KCNMA1: variants seen among roughly 807,000 people sequenced by gnomAD.
The protein encoded by KCNMA1 is Calcium-activated potassium channel subunit alpha-1.
A neutral mutation model predicts 140.0 loss-of-function variants in KCNMA1; 29 were observed. The observed-to-expected ratio is 0.21, with a 90% CI of 0.15 to 0.28. The LOEUF (loss-of-function observed/expected upper bound fraction) is 0.28, where lower values mean the gene tolerates loss of function less well. KCNMA1 is among the 10% of genes least tolerant of loss of function. The probability of loss-of-function intolerance (pLI) is 1.00; values close to 1 mark genes in which losing one functional copy is unlikely to be tolerated. For missense variants in KCNMA1, 880 were observed against 1,602.2 expected (o/e 0.55, Z 7.70); for synonymous variants, 612 against 611.9 (o/e 1.00, Z 0.00).
At chr10:76,989,846 T>C (rs1353252841) in intron 19 of KCNMA1, among the ~76,000 whole-genome samples, 1 of 152,138 alleles carries the variant, frequency 6.6e-6, no homozygotes, top group Non-Finnish European at 1.5e-5. Context: ...TAAAGTGGCT[T>C]ATCATTATTA....
chr10:76,949,703 T>C lies in KCNMA1; in HGVS notation c.2485-337A>G, dbSNP rs73282582. ...GAGGTAAAATAAAAAGGAAAAGGAA[T>C]ATTTATGCTATTTGGAAAGAGAAGT... is the stretch of plus-strand genomic sequence containing the variant. On this transcript the variant is annotated intron_variant, in intron 21 of 27. Coordinates refer to ENST00000286628, the MANE Select transcript of KCNMA1 (RefSeq NM_001161352.2). 0.011 allele frequency among the ~76,000 whole-genome samples: 1,634 copies of C among 152,322 alleles called. 31 individuals are homozygous for C. Among genetic ancestry groups the C allele is most frequent in the African/African-American group, 0.038 (1,563 of 41,558 alleles).
chr10:77,512,572 G>A (rs958466635), intron 1 of KCNMA1, among the ~76,000 whole-genome samples: 4 of 152,184 alleles, frequency 2.6e-5, no homozygotes, highest in Non-Finnish European at 5.9e-5. Context: ...GTCTTGGAAT[G>A]TAACCCCTAA....
At chr10:76,990,870 A>G (rs2082551396) in intron 19 of KCNMA1, among the ~76,000 whole-genome samples, 1 of 152,182 alleles carries the variant, frequency 6.6e-6, no homozygotes, top group Admixed American at 6.5e-5. Context: ...AGCCTGAGAG[A>G]GCTTTGAGAA....
At chr10:77,302,163 A>AGC (rs915349011) in intron 2 of KCNMA1, among the ~76,000 whole-genome samples, 2 of 152,152 alleles carry the variant, frequency 1.3e-5, no homozygotes, top group Non-Finnish European at 2.9e-5. Context: ...CCTAGGACTT[A>AGC]GCCCTGGTCC....
intron 1 of KCNMA1, among the ~76,000 whole-genome samples, chr10:77,521,693 C>T (rs2053458010): frequency 6.6e-6 from 1 of 152,210 alleles, no homozygotes; most frequent in African/African-American, 2.4e-5. Context: ...TAAGCATCAT[C>T]ATTTTTCTTA....
intron 1 of KCNMA1, among the ~76,000 whole-genome samples, chr10:77,602,392 G>A (rs947974367): frequency 1.4e-4 from 22 of 152,138 alleles, no homozygotes; most frequent in African/African-American, 5.1e-4. Context: ...TAGCGTCTGA[G>A]GCTGGGGAAG....
At chr10:76,945,908 C>T (rs545536263) in intron 22 of KCNMA1, among the ~76,000 whole-genome samples, 1 of 152,092 alleles carries the variant, frequency 6.6e-6, no homozygotes, top group Non-Finnish European at 1.5e-5. Flanking sequence ...ATGGTAATTC[C>T]CTCTGGGAAG....
chr10:77,287,585 T>C lies in KCNMA1; in HGVS notation c.541-36329A>G, dbSNP rs541057308. Among the ~76,000 whole-genome samples, 41 of 152,298 alleles carry C rather than the reference T, an allele frequency of 2.7e-4. No individual in the cohort carries two copies. The South Asian group carries it at 8.5e-3, about 32-fold the overall frequency. ...AGCAAAAGCCAAAACTCTAAACACCTTCTGAGCATCTATGAAAAAGTATTT... is the reference window on the plus strand; with the variant it reads ...AGCAAAAGCCAAAACTCTAAACACCCTCTGAGCATCTATGAAAAAGTATTT... On this transcript the variant is annotated intron_variant, in intron 2 of 27. Coordinates refer to ENST00000286628, the MANE Select transcript of KCNMA1 (RefSeq NM_001161352.2).
At chr10:76,978,946 A>G (rs746023211) in intron 19 of KCNMA1, among the ~76,000 whole-genome samples, 4 of 152,192 alleles carry the variant, frequency 2.6e-5, no homozygotes, top group Non-Finnish European at 5.9e-5. Flanking sequence ...TATTTTGAAA[A>G]TATTTTATTT....
chr10:77,573,552 C>T (rs2072565867), intron 1 of KCNMA1, among the ~76,000 whole-genome samples: 1 of 151,800 alleles, frequency 6.6e-6, no homozygotes, highest in African/African-American at 2.4e-5. Context: ...CAGGCCTCAA[C>T]CCCCTGGTTG....
At chr10:77,141,414 T>C (rs1037003031) in intron 5 of KCNMA1, among the ~76,000 whole-genome samples, 16 of 152,160 alleles carry the variant, frequency 1.1e-4, no homozygotes, top group Admixed American at 7.2e-4. Context: ...ATCATGAGGA[T>C]AGGGCCCTCA....
chr10:77,347,164 C>T (rs2092292551), intron 2 of KCNMA1, among the ~76,000 whole-genome samples: 2 of 152,146 alleles, frequency 1.3e-5, no homozygotes, highest in Admixed American at 1.3e-4. Flanking sequence ...TTTCGTAAAG[C>T]ACCCTAGCAC....
At chr10:77,068,755 C>T (rs551334830) in intron 14 of KCNMA1, among the ~76,000 whole-genome samples, 6 of 119,064 alleles carry the variant, frequency 5.0e-5, no homozygotes, top group Admixed American at 2.0e-4. Flanking sequence ...GATTAACAGA[C>T]TTCAAATAGT....
chr10:76,920,012 GTGTGTGTGTA>G (rs1453476287), intron 23 of KCNMA1, among the ~76,000 whole-genome samples: 62 of 51,508 alleles, frequency 1.2e-3, no homozygotes, highest in African/African-American at 5.8e-3. Flanking sequence ...GTGTGTGTGT[GTGTGTGTGTA>G]TATATATATA....
chr10:77,405,912 G>A (rs2096457314), intron 1 of KCNMA1, among the ~76,000 whole-genome samples: 1 of 152,176 alleles, frequency 6.6e-6, no homozygotes, highest in African/African-American at 2.4e-5. Flanking sequence ...ACGGCAGGCA[G>A]GAAGCTGGTC....
chr10:77,323,155 C>G (rs144514728), intron 2 of KCNMA1, among the ~76,000 whole-genome samples: 1 of 152,128 alleles, frequency 6.6e-6, no homozygotes, highest in East Asian at 1.9e-4. Context: ...TGCATACTTC[C>G]CTGTCACCTT....
In KCNMA1 at chr10:76,952,275, C is replaced by T. The variant is rs988815287; in HGVS notation, c.2484+1526G>A. On this transcript the variant is annotated intron_variant, in intron 21 of 27. Coordinates refer to ENST00000286628, the MANE Select transcript of KCNMA1 (RefSeq NM_001161352.2). ...GTGACTCACGCCTGTAATCCCAGCA[C>T]TTTGGGAGGCCAAGGTTGGCGGATC... is the stretch of plus-strand genomic sequence containing the variant. The T allele has an allele frequency of 3.4e-6, 4 of 1,166,974 alleles. No individual in the cohort carries two copies. In the African/African-American group the frequency reaches 6.2e-5, roughly 18 times the overall value. 72.3% of individuals were successfully genotyped at this position (1,166,974 alleles called of 1,614,324 possible).
At chr10:77,183,561 A>C in intron 4 of KCNMA1, 29 bp from the exon 5 acceptor site, 2 of 1,479,430 alleles carry the variant, frequency 1.4e-6, no homozygotes, top group Non-Finnish European at 1.9e-6. Context: ...AAGAAAGAGA[A>C]AAAACATGAG....
At chr10:77,382,349 A>C (rs879810027) in intron 2 of KCNMA1, among the ~76,000 whole-genome samples, 11 of 152,316 alleles carry the variant, frequency 7.2e-5, no homozygotes, top group Non-Finnish European at 1.6e-4. Context: ...TCTATGAAAC[A>C]GGTGTTATCA....
Sources: allele counts gnomAD v4.1 joint callset (sites outside exome capture counted in the v4.1 genomes callset), GRCh38; gene constraint gnomAD v4.1.1; transcripts MANE v1.5; gene names NCBI Gene and HGNC (gene_info 2026-07-23, HGNC 2026-07-21).